MCF2L2: variants seen among roughly 807,000 people sequenced by gnomAD.
MCF2L2 encodes probable guanine nucleotide exchange factor MCF2L2.
In MCF2L2, 102 loss-of-function variants were observed where a neutral mutation model predicts 150.2. The observed-to-expected ratio is 0.68, with a 90% CI of 0.58 to 0.80. The LOEUF (loss-of-function observed/expected upper bound fraction) is 0.80, where lower values mean the gene tolerates loss of function less well. Among genes scored for constraint, MCF2L2 ranks in the 30% least tolerant of loss-of-function variants. The pLI, the probability that MCF2L2 is intolerant of heterozygous loss-of-function variation, is 0.00. For synonymous variants in MCF2L2, 465 were observed against 491.3 expected (o/e 0.95, Z 0.71); for missense variants, 1,256 against 1,372.8 (o/e 0.91, Z 1.34).
intron 14 of MCF2L2, among the ~76,000 whole-genome samples, chr3:183,284,702 CAA>C (rs775947593): frequency 1.1e-4 from 15 of 130,704 alleles, no homozygotes; most frequent in African/African-American, 1.1e-4. Context: ...ACTCTGTCTC[CAA>C]AAAAAAAAAA....
chr3:183,182,590 G>C (rs533899315), intron 27 of MCF2L2: 1 of 152,978 alleles, frequency 6.5e-6, no homozygotes, highest in Non-Finnish European at 1.5e-5. Flanking sequence ...GGGCTGCGGA[G>C]GTGGGGGAGT....
At chr3:183,407,590 C>G (rs78357000) in intron 1 of MCF2L2, among the ~76,000 whole-genome samples, 7,673 of 152,182 alleles carry the variant, frequency 0.05, 323 homozygotes, top group African/African-American at 0.11. Context: ...TACTGCAAAG[C>G]CACAGAAAAT....
intron 25 of MCF2L2, among the ~76,000 whole-genome samples, chr3:183,199,077 G>C (rs1722169783): frequency 6.6e-6 from 1 of 152,068 alleles, no homozygotes; most frequent in African/African-American, 2.4e-5. Flanking sequence ...TATGTTGCTT[G>C]GTTTTTGTGA....
chr3:183,337,791 A>G, intron 5 of MCF2L2, among the ~76,000 whole-genome samples: 1 of 152,182 alleles, frequency 6.6e-6, no homozygotes, highest in Admixed American at 6.5e-5. Context: ...ATATCTGTAG[A>G]ATAACTTTAC....
rs1326653076 is a variant in MCF2L2, at chr3:183,270,499, G to A, written c.1862+6373C>T. ...GGTGCCCCTCCCATTAGAGATAAAAGCAGCAAATACTACGTGTCCTATGAA... is the reference window on the plus strand; with the variant it reads ...GGTGCCCCTCCCATTAGAGATAAAAACAGCAAATACTACGTGTCCTATGAA... On this transcript the variant is annotated intron_variant, in intron 15 of 29. Coordinates refer to ENST00000328913, the MANE Select transcript of MCF2L2 (RefSeq NM_015078.4). The surrounding 1 kb of genome is among the most constrained non-coding windows in gnomAD (Gnocchi z 4.5). The A allele has an allele frequency of 6.2e-7, 1 of 1,614,154 alleles. No homozygotes were observed. Among genetic ancestry groups the A allele is most frequent in the East Asian group, 2.2e-5 (1 of 44,888 alleles).
At chr3:183,206,643 G>T (rs1439958426) in intron 23 of MCF2L2, among the ~76,000 whole-genome samples, 2 of 152,144 alleles carry the variant, frequency 1.3e-5, no homozygotes, top group East Asian at 3.9e-4. Context: ...AGGCCTAGGT[G>T]GGCGGATCAC....
At chr3:183,269,242 T>G (rs1400997640) in intron 15 of MCF2L2, among the ~76,000 whole-genome samples, 2 of 148,264 alleles carry the variant, frequency 1.3e-5, no homozygotes, top group African/African-American at 5.1e-5. Context: ...TTTTTTTTTT[T>G]TTTTTTAAGA....
rs1023268351 is a variant in MCF2L2 at position 183,179,789 on chromosome 3, C to T, written c.3106-97G>A. The stretch of plus-strand genomic sequence containing the variant: ...ACTCCCGCTGGCAGGCTGAGGCCCA[C>T]CCCAGCCCTCCCACCTGGGCCACGG... On this transcript the variant is annotated intron_variant, in intron 28 of 29. Transcript: ENST00000328913. This position sits in a 1 kb window ranked among gnomAD's most constrained non-coding sequence, Gnocchi z 4.2. The T allele has an allele frequency of 9.5e-7, 1 of 1,052,690 alleles. No individual in the cohort carries two copies. 65.2% of individuals were successfully genotyped at this position (1,052,690 alleles called of 1,614,324 possible). A position where few individuals can be genotyped will look rare whatever the true frequency, so the allele number is the denominator to read the frequency against.
At chr3:183,191,838 A>G (rs941936451) in intron 27 of MCF2L2, among the ~76,000 whole-genome samples, 3 of 151,344 alleles carry the variant, frequency 2.0e-5, no homozygotes, top group Admixed American at 6.6e-5. Flanking sequence ...TTATTTATTT[A>G]TTTATTTTAT....
chr3:183,343,474 G>T (rs1397272932), intron 3 of MCF2L2, among the ~76,000 whole-genome samples: 1 of 151,388 alleles, frequency 6.6e-6, no homozygotes, highest in African/African-American at 2.4e-5. Flanking sequence ...GGGTTCAAGT[G>T]ATTCTCCTAC....
At chr3:183,342,333 T>C (rs1730733713) in intron 3 of MCF2L2, among the ~76,000 whole-genome samples, 1 of 152,166 alleles carries the variant, frequency 6.6e-6, no homozygotes, top group Non-Finnish European at 1.5e-5. Context: ...CAAACGCTAG[T>C]ATTGCCACTT....
intron 11 of MCF2L2, chr3:183,298,237 A>G (rs1287222585): frequency 5.3e-5 from 8 of 152,242 alleles, no homozygotes; most frequent in Non-Finnish European, 1.2e-4. Flanking sequence ...ACACTTGAAC[A>G]GAAAGACAGG....
At chr3:183,276,707 G>T in intron 15 of MCF2L2, 165 bp downstream of exon 15, 1 of 469,548 alleles carries the variant, frequency 2.1e-6, no homozygotes, top group Non-Finnish European at 3.8e-6. Context: ...GCTTTTGTGG[G>T]ATCCACAAAT....
Position 183,179,545 on chromosome 3 carries a change from GA to G in MCF2L2, c.3221+31del. ...AAAGTCAGAGACGCCGTGGCCCAAAGAGGCGCTTAGTCTTTCCTCGCTCACA... is the reference window on the plus strand; with the variant it reads ...AAAGTCAGAGACGCCGTGGCCCAAAGGGCGCTTAGTCTTTCCTCGCTCACA... On this transcript the variant is annotated intron_variant, in intron 29 of 29. Coordinates refer to ENST00000328913, the MANE Select transcript of MCF2L2 (RefSeq NM_015078.4). The surrounding 1 kb of genome is among the most constrained non-coding windows in gnomAD (Gnocchi z 4.2). 1 of 1,612,324 alleles carries G rather than the reference GA, an allele frequency of 6.2e-7. No homozygotes were observed. Among genetic ancestry groups the G allele is most frequent in the Non-Finnish European group, 8.5e-7 (1 of 1,178,904 alleles).
intron 1 of MCF2L2, among the ~76,000 whole-genome samples, chr3:183,406,212 G>A (rs953390100): frequency 6.6e-5 from 10 of 152,094 alleles, no homozygotes; most frequent in Non-Finnish European, 1.3e-4. Flanking sequence ...CCAACAGTGC[G>A]TGTAAGATAT....
chr3:183,179,703 G>T lies in MCF2L2; in HGVS notation c.3106-11C>A. 1.9e-6 allele frequency: 3 copies of T among 1,608,724 alleles called. No homozygotes were observed. The highest frequency in any genetic ancestry group is 2.6e-6 in the Non-Finnish European group (3 of 1,175,212). On this transcript the variant is annotated splice_polypyrimidine_tract_variant and intron_variant, in intron 28 of 29. Coordinates refer to ENST00000328913, the MANE Select transcript of MCF2L2 (RefSeq NM_015078.4). The surrounding 1 kb of genome is among the most constrained non-coding windows in gnomAD (Gnocchi z 4.2). ...GAAAAGGCCCGCGAGCTGGAAGGGA[G>T]GGGACGGGTGCACCCTCAGAGTTAT...
chr3:183,374,959 C>A (rs543537935), intron 3 of MCF2L2: 1 of 152,280 alleles, frequency 6.6e-6, no homozygotes, highest in South Asian at 2.1e-4. Context: ...AGGCACATTC[C>A]TTGCCAACCA....
At chr3:183,297,367 C>T in intron 11 of MCF2L2, 200 bp from the exon 12 acceptor site, 1 of 533,154 alleles carries the variant, frequency 1.9e-6, no homozygotes, top group Non-Finnish European at 3.4e-6. Flanking sequence ...CAGCTGATAC[C>T]TGTCCACTTC....
rs1044564195 is a variant in MCF2L2 at position 183,297,485 on chromosome 3, C to T, written c.1306-318G>A. ...ATATTTAATTAAAGACAGGGTTTCA[C>T]TCTGTCACCCAGGCTGGAGTACAGT... On this transcript the variant is annotated intron_variant, in intron 11 of 29. Coordinates refer to ENST00000328913, the MANE Select transcript of MCF2L2 (RefSeq NM_015078.4). 1.1e-5 allele frequency: 3 copies of T among 262,452 alleles called. No individual in the cohort carries two copies. In the Admixed American group the frequency reaches 1.5e-4, roughly 13 times the overall value. The allele number at this position is 262,452 out of a possible 1,614,324, so 16.3% of individuals were successfully genotyped here. A position where few individuals can be genotyped will look rare whatever the true frequency, so the allele number is the denominator to read the frequency against.
Sources: gnomAD v4.1 joint callset for allele counts (sites outside exome capture counted in the v4.1 genomes callset) on GRCh38, gnomAD v4.1.1 for gene constraint, Gnocchi (gnomAD v3.1) non-coding constraint, MANE v1.5 for transcripts, NCBI Gene and HGNC (gene_info 2026-07-23, HGNC 2026-07-21) for gene names.